Variants in DCC observed in about 807,000 individuals in gnomAD.
DCC encodes the protein netrin receptor DCC.
A neutral mutation model predicts 172.5 loss-of-function variants in DCC; 58 were observed. The ratio of observed to expected loss-of-function variants is 0.34; its 90% CI spans 0.27 to 0.42. DCC has a LOEUF of 0.42. Among genes scored for constraint, DCC ranks in the 10% least tolerant of loss-of-function variants. The pLI, the probability that DCC is intolerant of heterozygous loss-of-function variation, is 1.00. For synonymous variants in DCC, 709 were observed against 644.5 expected (o/e 1.10, Z -1.52); for missense variants, 1,740 against 1,791.0 (o/e 0.97, Z 0.51).
intron 1 of DCC, among the ~76,000 whole-genome samples, chr18:52,515,738 A>C (rs1009593669): frequency 3.3e-5 from 5 of 150,934 alleles, no homozygotes; most frequent in Non-Finnish European, 5.9e-5. Context: ...AAAAGGAAAA[A>C]TTGAGTCACT....
At chr18:53,269,338 T>G (rs1054171981) in intron 12 of DCC, among the ~76,000 whole-genome samples, 6 of 152,326 alleles carry the variant, frequency 3.9e-5, no homozygotes, top group African/African-American at 1.4e-4. Context: ...AAAACAGGTT[T>G]CATCCTGGTG....
At chr18:52,425,074 A>T (rs1409888637) in intron 1 of DCC, among the ~76,000 whole-genome samples, 2 of 151,862 alleles carry the variant, frequency 1.3e-5, no homozygotes, top group Non-Finnish European at 2.9e-5. Context: ...CTAATCATCC[A>T]TTTTTTTCCT....
intron 12 of DCC, among the ~76,000 whole-genome samples, chr18:53,269,914 G>A (rs112883582): frequency 1.3e-5 from 2 of 152,122 alleles, no homozygotes; most frequent in African/African-American, 4.8e-5. Flanking sequence ...ATGGCAATAG[G>A]ATAGATTAAG....
intron 2 of DCC, among the ~76,000 whole-genome samples, chr18:52,850,488 C>T (rs1445243715): frequency 5.3e-5 from 8 of 152,104 alleles, no homozygotes; most frequent in Non-Finnish European, 8.8e-5. Context: ...TCTGCTTGTA[C>T]AGTAAAGTTC....
At position 53,534,766 on chromosome 18, in the gene DCC, G is replaced by C; in HGVS notation, c.*4113G>C. The C allele has an allele frequency of 6.6e-6, 1 of 152,116 alleles. No homozygotes were observed. Among genetic ancestry groups the C allele is most frequent in the East Asian group, 1.9e-4 (1 of 5,194 alleles). The allele number at this position is 152,116 out of a possible 1,614,324, so 9.4% of individuals were successfully genotyped here. A position where few individuals can be genotyped will look rare whatever the true frequency, so the allele number is the denominator to read the frequency against. On this transcript the variant is annotated 3_prime_UTR_variant, in exon 29 of 29. Transcript: ENST00000442544. ...TTGGGAAAAAAAATGCCAATTTCCTGGTCAGTGAGGTTATGTAAAAGACAA... is the reference window on the plus strand; with the variant it reads ...TTGGGAAAAAAAATGCCAATTTCCTCGTCAGTGAGGTTATGTAAAAGACAA...
chr18:52,967,572 T>A (rs1179500937), intron 5 of DCC, among the ~76,000 whole-genome samples: 1 of 152,194 alleles, frequency 6.6e-6, no homozygotes, highest in Non-Finnish European at 1.5e-5. Flanking sequence ...TTTTCTTTCC[T>A]GTTTTGTGTC....
intron 1 of DCC, among the ~76,000 whole-genome samples, chr18:52,374,348 T>C (rs1985256285): frequency 6.6e-6 from 1 of 152,146 alleles, no homozygotes; most frequent in Admixed American, 6.5e-5. Context: ...AAGCTGAAAG[T>C]TGTTGGACAC....
At chr18:53,213,611 G>A (rs1394413281) in intron 11 of DCC, among the ~76,000 whole-genome samples, 2 of 122,588 alleles carry the variant, frequency 1.6e-5, no homozygotes, top group African/African-American at 6.6e-5. Flanking sequence ...TCGTGCCACT[G>A]CACTCCAGCC....
chr18:53,465,102 T>A (rs2045604725), intron 24 of DCC, among the ~76,000 whole-genome samples: 1 of 152,092 alleles, frequency 6.6e-6, no homozygotes, highest in Non-Finnish European at 1.5e-5. Context: ...TTGCTTCTAC[T>A]GTCAAACATA....
chr18:52,853,455 T>C (rs955506296), intron 2 of DCC, among the ~76,000 whole-genome samples: 2 of 152,226 alleles, frequency 1.3e-5, no homozygotes, highest in Non-Finnish European at 2.9e-5. Context: ...ACAACCATTT[T>C]ATGAAACGGT....
At chr18:52,704,197 T>C (rs1200308933) in intron 1 of DCC, among the ~76,000 whole-genome samples, 1 of 152,122 alleles carries the variant, frequency 6.6e-6, no homozygotes, top group Non-Finnish European at 1.5e-5. Context: ...TTGTATGTGA[T>C]GAAATTCAAA....
At chr18:52,917,576 A>G (rs2040060873) in intron 3 of DCC, among the ~76,000 whole-genome samples, 1 of 152,222 alleles carries the variant, frequency 6.6e-6, no homozygotes, top group Admixed American at 6.5e-5. Context: ...AAGTAGGTCA[A>G]TATTTCTATT....
chr18:53,507,636 A>T (rs1186890156), intron 27 of DCC, among the ~76,000 whole-genome samples: 2 of 152,192 alleles, frequency 1.3e-5, no homozygotes, highest in East Asian at 3.9e-4. Flanking sequence ...AAGGGATTCT[A>T]CAAGCTTTTT....
At position 53,526,769 on chromosome 18, in the gene DCC, T is replaced by A; in HGVS notation, c.4254+10T>A. 6.2e-7 allele frequency: 1 copy of A among 1,613,228 alleles called. No individual in the cohort carries two copies. Among genetic ancestry groups the A allele is most frequent in the Middle Eastern group, 1.7e-4 (1 of 6,052 alleles). On this transcript the variant is annotated intron_variant, in intron 28 of 28. Coordinates refer to ENST00000442544, the MANE Select transcript of DCC (RefSeq NM_005215.4). The stretch of plus-strand genomic sequence containing the variant: ...AGAGGATTCAGCCAATGTAAGGGCA[T>A]CTTTAAAATTCATGCTTCATCAAGG...
At chr18:53,240,042 A>AAAAC (rs2056268729) in intron 12 of DCC, among the ~76,000 whole-genome samples, 1 of 139,468 alleles carries the variant, frequency 7.2e-6, no homozygotes, top group Non-Finnish European at 1.5e-5. Flanking sequence ...AAAAAAAAAA[A>AAAAC]AAAAAAAACA....
In DCC at chr18:52,642,425, C is replaced by T. The variant is rs1357606935; in HGVS notation, c.92-109629C>T. On this transcript the variant is annotated intron_variant, in intron 1 of 28. Transcript: ENST00000442544. ...AATCTCACAAATCACCAGTAAAGAA[C>T]TTACTCATGTAACCAAACACCACCT... Among the ~76,000 whole-genome samples the T allele has an allele frequency of 5.3e-5, 8 of 151,962 alleles. No individual in the cohort carries two copies. The South Asian group carries it at 1.2e-3, about 24-fold the overall frequency.
chr18:52,571,789 A>G (rs2033300414), intron 1 of DCC, among the ~76,000 whole-genome samples: 2 of 152,032 alleles, frequency 1.3e-5, no homozygotes, highest in South Asian at 4.1e-4. Context: ...ATCCCTTGGG[A>G]AACTGGTTCG....
At chr18:53,040,729 C>T (rs1186020739) in intron 5 of DCC, among the ~76,000 whole-genome samples, 1 of 151,766 alleles carries the variant, frequency 6.6e-6, no homozygotes, top group Non-Finnish European at 1.5e-5. Flanking sequence ...ACTTGAGTAG[C>T]TTTGGGATCT....
At chr18:52,584,899 C>A (rs1474016254) in intron 1 of DCC, among the ~76,000 whole-genome samples, 1 of 152,084 alleles carries the variant, frequency 6.6e-6, no homozygotes, top group Non-Finnish European at 1.5e-5. Context: ...ATGGCATAAA[C>A]CTTGGGCATA....
Sources: gnomAD v4.1 joint callset for allele counts (sites outside exome capture counted in the v4.1 genomes callset) on GRCh38, gnomAD v4.1.1 for gene constraint, MANE v1.5 for transcripts, NCBI Gene and HGNC (gene_info 2026-07-23, HGNC 2026-07-21) for gene names.